Variants in COL1A2 observed in about 807,000 individuals in gnomAD.
The protein encoded by COL1A2 is collagen type I alpha 2 chain, also known as collagen alpha-2(I) chain.
A neutral mutation model predicts 174.3 loss-of-function variants in COL1A2; 49 were observed. That is an observed-to-expected ratio of 0.28 (90% CI 0.22 to 0.36). COL1A2 has a LOEUF of 0.36. Among genes scored for constraint, COL1A2 ranks in the 10% least tolerant of loss-of-function variants. COL1A2 has a pLI of 1.00. For missense variants in COL1A2, 1,438 were observed against 1,822.7 expected (o/e 0.79, Z 3.84); for synonymous variants, 655 against 606.6 (o/e 1.08, Z -1.17).
rs995632374 is a variant in COL1A2 at position 94,402,645 on chromosome 7, C to G, written c.279+1025C>G. On this transcript the variant is annotated intron_variant, in intron 6 of 51. Coordinates refer to ENST00000297268, the MANE Select transcript of COL1A2 (RefSeq NM_000089.4). Reference sequence around the variant, plus strand: ...ATATATGAAATAGAGGGGAAAACTGCCAGAAGTCAAAGTGTTAGGTTGATT... The same window carrying G: ...ATATATGAAATAGAGGGGAAAACTGGCAGAAGTCAAAGTGTTAGGTTGATT... Among the ~76,000 whole-genome samples the G allele has an allele frequency of 2.6e-5, 4 of 152,100 alleles. No homozygotes were observed. In the South Asian group the frequency reaches 8.3e-4, roughly 32 times the overall value.
rs62001059 is a variant in COL1A2, at chr7:94,426,443, C to T, written c.3018C>T (p.Gly1006=). Residue 1006 remains glycine (G), a synonymous_variant, in exon 46 of 52, where the codon GGC becomes GGT. Coordinates refer to ENST00000297268, the MANE Select transcript of COL1A2 (RefSeq NM_000089.4). ...RGPSGPQGIR[G]DKGEPGEKGP... is the part of the protein sequence containing the mutation. ...TATAGGGCCCACAAGGCATTCGTGG[C>T]GATAAGGGAGAGCCCGGTGAAAAGG... The T allele has an allele frequency of 1.3e-3, 2,092 of 1,602,334 alleles. 19 individuals carry two copies. The African/African-American group carries it at 0.023, about 18-fold the overall frequency.
intron 42 of COL1A2, 118 bp downstream of exon 42, chr7:94,425,342 C>A: frequency 1.0e-6 from 1 of 1,002,096 alleles, no homozygotes; most frequent in Non-Finnish European, 1.5e-6. Flanking sequence ...TCAGCTTCTC[C>A]ATAGTATCTA....
chr7:94,399,110 G>T, intron 4 of COL1A2, 26 bp downstream of exon 4: 1 of 1,606,692 alleles, frequency 6.2e-7, no homozygotes, highest in Admixed American at 1.7e-5. Context: ...ACTATAAAGG[G>T]CTTCGTCCCG....
rs1792393695 is a variant in COL1A2, at chr7:94,431,144, A to C, written c.*751A>C. 1 of 152,636 alleles carries C rather than the reference A, an allele frequency of 6.6e-6. No homozygotes were observed. The highest frequency in any genetic ancestry group is 2.1e-4 in the South Asian group (1 of 4,828). The allele number at this position is 152,636 out of a possible 1,614,324, so 9.5% of individuals were successfully genotyped here. On this transcript the variant is annotated 3_prime_UTR_variant, in exon 52 of 52. Transcript: ENST00000297268. ...TGTTTCTTGGGCAAGCAGAAAAATT[A>C]AATTGTACCTATTTTGTATATGTGA...
intron 1 of COL1A2, chr7:94,395,345 G>T: frequency 1.8e-6 from 1 of 569,632 alleles, no homozygotes; most frequent in Non-Finnish European, 3.2e-6. Context: ...CAGTTAACTC[G>T]GTCTGGCTCC....
Position 94,406,232 on chromosome 7 carries a change from A to G in COL1A2, c.541-18A>G, listed in dbSNP as rs1554395621. ...CACTATCATGGAACAGCATTTTATA[A>G]TAAGGCTTTCCTTTCAGGGACACAA... On this transcript the variant is annotated intron_variant, in intron 11 of 51. Coordinates refer to ENST00000297268, the MANE Select transcript of COL1A2 (RefSeq NM_000089.4). The G allele has an allele frequency of 1.2e-6, 2 of 1,613,220 alleles. No individual in the cohort carries two copies. The highest frequency in any genetic ancestry group is 1.1e-5 in the South Asian group (1 of 91,058).
chr7:94,428,574 T>G (rs1486728479), intron 50 of COL1A2, 97 bp downstream of exon 50: 2 of 1,241,972 alleles, frequency 1.6e-6, no homozygotes, highest in Non-Finnish European at 2.3e-6. Context: ...AAAAATGGGC[T>G]TATTAAAAAA....
chr7:94,429,098 C>CTTTTTTTTTTCTTTTTT, intron 50 of COL1A2, 90 bp from the exon 51 acceptor site: 1 of 926,704 alleles, frequency 1.1e-6, no homozygotes, highest in Non-Finnish European at 1.6e-6. Flanking sequence ...TTCCTGAGAT[C>CTTTTTTTTTTCTTTTTT]TTTTTTTTTC....
In COL1A2 at chr7:94,416,523, A is replaced by C. The variant is rs1317672391; in HGVS notation, c.1863+20A>C. Reference sequence around the variant, plus strand: ...AACAAGGTAAAATCTTATGTTTTCTATATTGCTGGTTTGGCCCAGTCTGCC... The same window carrying C: ...AACAAGGTAAAATCTTATGTTTTCTCTATTGCTGGTTTGGCCCAGTCTGCC... On this transcript the variant is annotated intron_variant, in intron 31 of 51. Transcript: ENST00000297268. 3 of 1,540,894 alleles carry C rather than the reference A, an allele frequency of 1.9e-6. No individual in the cohort carries two copies. The highest frequency in any genetic ancestry group is 2.6e-6 in the Non-Finnish European group (3 of 1,135,746).
chr7:94,428,200 C>G (rs1234807125), intron 49 of COL1A2, 93 bp from the exon 50 acceptor site: 1 of 1,139,708 alleles, frequency 8.8e-7, no homozygotes, highest in African/African-American at 1.5e-5. Flanking sequence ...AAAAATGTTA[C>G]TTATGAGAGT....
intron 26 of COL1A2, 143 bp downstream of exon 26, chr7:94,413,279 T>A: frequency 1.2e-6 from 1 of 866,160 alleles, no homozygotes; most frequent in East Asian, 2.4e-5. Context: ...ATAAAATGCC[T>A]TTTTAAAAAC....
rs750967723 is a variant in COL1A2, at chr7:94,420,302, G to C, written c.2133+16G>C. On this transcript the variant is annotated intron_variant, in intron 35 of 51. Transcript: ENST00000297268. ...GGGAAGCCCTGTAAGTAAGAACCTGGGTCATTTTGTATACTCACACCTCAC... is the reference window on the plus strand; with the variant it reads ...GGGAAGCCCTGTAAGTAAGAACCTGCGTCATTTTGTATACTCACACCTCAC... 2 of 1,613,814 alleles carry C rather than the reference G, an allele frequency of 1.2e-6. No homozygotes were observed. The highest frequency in any genetic ancestry group is 1.7e-6 in the Non-Finnish European group (2 of 1,179,992).
intron 13 of COL1A2, 57 bp from the exon 14 acceptor site, chr7:94,408,126 C>G (rs1004102208): frequency 8.3e-6 from 13 of 1,571,696 alleles, no homozygotes; most frequent in Non-Finnish European, 1.0e-5. Flanking sequence ...CAAATGATGC[C>G]TGTGACTTTT....
chr7:94,397,804 T>A (rs1791613164), intron 2 of COL1A2, 46 bp downstream of exon 2: 1 of 1,116,606 alleles, frequency 9.0e-7, no homozygotes, highest in African/African-American at 1.6e-5. Flanking sequence ...TTTGATTCCC[T>A]TGGCTACAGT....
At chr7:94,412,755 T>C in intron 25 of COL1A2, 73 bp downstream of exon 25, 1 of 1,263,760 alleles carries the variant, frequency 7.9e-7, no homozygotes, top group Non-Finnish European at 1.1e-6. Context: ...AGTATTTATC[T>C]CCTGCGAATC....
chr7:94,408,285 A>C, intron 14 of COL1A2, 49 bp downstream of exon 14: 4 of 1,613,672 alleles, frequency 2.5e-6, no homozygotes, highest in Non-Finnish European at 3.4e-6. Flanking sequence ...AAAATCTTCT[A>C]ATGGCTGTCA....
In COL1A2 at chr7:94,427,657, C is replaced by A; in HGVS notation, c.3298C>A (p.Pro1100Thr). 6.2e-7 allele frequency: 1 copy of A among 1,614,156 alleles called. No homozygotes were observed. Among genetic ancestry groups the A allele is most frequent in the Non-Finnish European group, 8.5e-7 (1 of 1,180,018 alleles). The change falls in exon 49 of 52, where the codon CCT becomes ACT. Residue 1100 changes from proline (P) to threonine (T), a missense_variant. Pro to Thr is a conservative substitution (Grantham distance 38). This residue lies in a region of COL1A2 where 867 missense variants were observed against 1,213.7 expected (regional missense o/e 0.71). Transcript: ENST00000297268. ...CCCTGGTCCCCCTGGCCCTCCTGGA[C>A]CTCCAGGTGTAAGCGGTGGTGGTTA... ...GPPGPPGPPG[P>T]PGVSGGGYDF...
chr7:94,409,775 C>T lies in COL1A2; in HGVS notation c.989C>T (p.Pro330Leu). Reference protein sequence around the residue: ...APGLPGPRGIPGPVGAAGATG... With the variant: ...APGLPGPRGILGPVGAAGATG... Reference sequence around the variant, plus strand: ...GGCCTCCCTGGACCCCGCGGTATTCCTGGCCCTGTTGGTGCTGCCGGTGCT... The same window carrying T: ...GGCCTCCCTGGACCCCGCGGTATTCTTGGCCCTGTTGGTGCTGCCGGTGCT... Residue 330 changes from proline (P) to leucine (L), a missense_variant, in exon 19 of 52, where the codon CCT (proline) becomes CTT (leucine). By Grantham distance (98) the Pro-to-Leu change is moderately conservative (BLOSUM62 -3). Transcript: ENST00000297268. The T allele has an allele frequency of 6.2e-7, 1 of 1,614,168 alleles. No individual in the cohort carries two copies. The highest frequency in any genetic ancestry group is 1.1e-5 in the South Asian group (1 of 91,086).
intron 17 of COL1A2, 72 bp downstream of exon 17, chr7:94,409,492 T>G: frequency 6.2e-7 from 1 of 1,611,126 alleles, no homozygotes; most frequent in Non-Finnish European, 8.5e-7. Flanking sequence ...AGAAGAAGAA[T>G]GAAGATGGGG....
Sources: allele counts gnomAD v4.1 joint callset (sites outside exome capture counted in the v4.1 genomes callset), GRCh38; gene constraint gnomAD v4.1.1; regional missense constraint gnomAD v4.1.1; transcripts MANE v1.5; gene names NCBI Gene and HGNC (gene_info 2026-07-23, HGNC 2026-07-21).